The following ADNP variants were observed in gnomAD, a reference collection of about 807,000 sequenced individuals.
The protein encoded by ADNP is activity dependent neuroprotector homeobox.
A neutral mutation model predicts 84.9 loss-of-function variants in ADNP; 4 were observed. That is an observed-to-expected ratio of 0.05 (90% CI 0.02 to 0.11). The LOEUF (loss-of-function observed/expected upper bound fraction) is 0.11. ADNP is among the 10% of genes least tolerant of loss of function. The pLI, the probability that ADNP is intolerant of heterozygous loss-of-function variation, is 1.00. For missense variants in ADNP, 1,132 were observed against 1,326.0 expected, an observed-to-expected ratio of 0.85 and a Z score of 2.27; for synonymous variants, 554 against 468.1, an observed-to-expected ratio of 1.18 and a Z score of -2.37.
At chr20:50,920,954 C>G (rs1307343941) in intron 2 of ADNP, among the ~76,000 whole-genome samples, 1 of 152,174 alleles carries the variant, frequency 6.6e-6, no homozygotes, top group Non-Finnish European at 1.5e-5. Context: ...TACAGTTAGA[C>G]AGATCTGTAT....
At chr20:50,913,935 T>C (rs1013405623) in intron 2 of ADNP, 2 of 680,936 alleles carry the variant, frequency 2.9e-6, no homozygotes, top group African/African-American at 3.6e-5. Flanking sequence ...TGATAAAGAC[T>C]ATGCGAGATT....
intron 2 of ADNP, among the ~76,000 whole-genome samples, chr20:50,920,150 G>A (rs1300810992): frequency 4.0e-5 from 6 of 150,396 alleles, no homozygotes; most frequent in African/African-American, 2.5e-5. Context: ...GGTGGTGTGC[G>A]CCTGTAATCC....
rs1047863490 is a variant in ADNP, at chr20:50,894,653, G to A, written c.202-141C>T. ...CTCACGCCTGTAATCCCAGCACTTTGGGAGGCTGAGGTGGGTGGATCACCC... is the reference window on the plus strand; with the variant it reads ...CTCACGCCTGTAATCCCAGCACTTTAGGAGGCTGAGGTGGGTGGATCACCC... On this transcript the variant is annotated intron_variant, in intron 5 of 5. Coordinates refer to ENST00000621696, the MANE Select transcript of ADNP (RefSeq NM_001282531.3). 3.4e-6 allele frequency: 3 copies of A among 887,690 alleles called. No homozygotes were observed. The African/African-American group carries it at 5.1e-5, about 15-fold the overall frequency. 55.0% of individuals were successfully genotyped at this position (887,690 alleles called of 1,614,324 possible). A position where few individuals can be genotyped will look rare whatever the true frequency, so the allele number is the denominator to read the frequency against.
chr20:50,915,866 G>A (rs1027013476), intron 2 of ADNP, among the ~76,000 whole-genome samples: 3 of 152,228 alleles, frequency 2.0e-5, no homozygotes, highest in Non-Finnish European at 4.4e-5. Context: ...CGTATGTACT[G>A]AAAGCTAAAT....
intron 2 of ADNP, among the ~76,000 whole-genome samples, chr20:50,916,404 C>G (rs1983513768): frequency 6.6e-6 from 1 of 152,174 alleles, no homozygotes; most frequent in Non-Finnish European, 1.5e-5. Flanking sequence ...AGCTCTCAGG[C>G]TATAAATTCC....
rs759893667 is a variant in ADNP at position 50,893,346 on chromosome 20, A to G, written c.1368T>C (p.Phe456=). ...AGTGCACACTATAGACATTTTCAGG[A>G]AAAAGCTCATTACAGATTGTACATA... The part of the protein sequence containing the change: ...WKICTICNEL[F]PENVYSVHFE... The change falls in exon 6 of 6, where the codon TTT becomes TTC. Residue 456 remains phenylalanine, a synonymous_variant. Coordinates refer to ENST00000621696, the MANE Select transcript of ADNP (RefSeq NM_001282531.3). The surrounding 1 kb of genome is among the most constrained non-coding windows in gnomAD (Gnocchi z 4.4). 1 of 1,614,184 alleles carries G rather than the reference A, an allele frequency of 6.2e-7. No homozygotes were observed. Among genetic ancestry groups the G allele is most frequent in the East Asian group, 2.2e-5 (1 of 44,886 alleles).
chr20:50,903,176 AC>A (rs1462339037), intron 4 of ADNP, among the ~76,000 whole-genome samples: 5 of 152,194 alleles, frequency 3.3e-5, no homozygotes, highest in Non-Finnish European at 7.3e-5. Flanking sequence ...AGTGGGGGAA[AC>A]AGCTTCAAAC....
chr20:50,900,668 T>C (rs1254827044), intron 5 of ADNP, among the ~76,000 whole-genome samples: 1 of 152,172 alleles, frequency 6.6e-6, no homozygotes. Flanking sequence ...TGCGGTAAAA[T>C]TCAGGGCCCA....
At position 50,891,139 on chromosome 20, in the gene ADNP, C is replaced by A; in HGVS notation, c.*266G>T. ...ATGTTGAAAAGGCAGATAAAATAAA[C>A]CTCTGCTTTTCCTCGTGTGTATTCA... On this transcript the variant is annotated 3_prime_UTR_variant, in exon 6 of 6. Coordinates refer to ENST00000621696, the MANE Select transcript of ADNP (RefSeq NM_001282531.3). The A allele has an allele frequency of 8.0e-7, 1 of 1,243,240 alleles. No homozygotes were observed. The highest frequency in any genetic ancestry group is 1.0e-6 in the Non-Finnish European group (1 of 993,876). 77.0% of individuals were successfully genotyped at this position (1,243,240 alleles called of 1,614,324 possible). A position where few individuals can be genotyped will look rare whatever the true frequency, so the allele number is the denominator to read the frequency against.
chr20:50,923,915 A>G (rs937149732), intron 2 of ADNP, among the ~76,000 whole-genome samples: 1 of 152,246 alleles, frequency 6.6e-6, no homozygotes, highest in African/African-American at 2.4e-5. Flanking sequence ...CTTTCACAAG[A>G]GCAAGGATTC....
At chr20:50,921,152 T>C (rs1489617781) in intron 2 of ADNP, among the ~76,000 whole-genome samples, 3 of 152,206 alleles carry the variant, frequency 2.0e-5, no homozygotes, top group Non-Finnish European at 2.9e-5. Flanking sequence ...CCAGATGAGA[T>C]ACTAAAATAA....
intron 2 of ADNP, among the ~76,000 whole-genome samples, chr20:50,918,962 A>G (rs1983719793): frequency 6.6e-6 from 1 of 152,244 alleles, no homozygotes; most frequent in African/African-American, 2.4e-5. Flanking sequence ...TACAAAAATT[A>G]TAATCACACT....
chr20:50,891,545 A>T lies in ADNP; in HGVS notation c.3169T>A (p.Leu1057Ile). The T allele has an allele frequency of 6.2e-7, 1 of 1,612,114 alleles. No individual in the cohort carries two copies. The highest frequency in any genetic ancestry group is 2.2e-5 in the East Asian group (1 of 44,888). ...TGCCACTCAATCTGGGGGTTAGATA[A>T]GCGCTCATCATTCTCAGATGCATTC... ...WKNASENDER[L>I]SNPQIEWQNS... The change falls in exon 6 of 6, where the codon TTA becomes ATA. Residue 1057 changes from leucine (L) to isoleucine (I), a missense_variant. Transcript: ENST00000621696.
At chr20:50,929,937 G>C (rs1393190421) in intron 1 of ADNP, among the ~76,000 whole-genome samples, 1 of 151,546 alleles carries the variant, frequency 6.6e-6, no homozygotes, top group Non-Finnish European at 1.5e-5. Flanking sequence ...TGTGTGGGGG[G>C]TGTGTGTGTG....
rs756214939 is a variant in ADNP at position 50,893,013 on chromosome 20, A to G, written c.1701T>C (p.Thr567=). ...CTGGGGCATCCCTCAGATTGTATGT[A>G]GTTACCAGGAGATGGATGTTAGTGT... ...GSHTNIHLLV[T]TYNLRDAPAE... is the part of the protein sequence containing the mutation. The change falls in exon 6 of 6, where the codon ACT becomes ACC. Residue 567 remains threonine (T), a synonymous_variant. Transcript: ENST00000621696. The surrounding 1 kb of genome is among the most constrained non-coding windows in gnomAD (Gnocchi z 4.4). 5 of 1,614,222 alleles carry G rather than the reference A, an allele frequency of 3.1e-6. No homozygotes were observed. In the Admixed American group the frequency reaches 8.3e-5, roughly 27 times the overall value.
At chr20:50,913,216 G>A (rs967987653) in intron 2 of ADNP, among the ~76,000 whole-genome samples, 2 of 112,516 alleles carry the variant, frequency 1.8e-5, no homozygotes, top group East Asian at 5.9e-4. Context: ...TCACGCCACT[G>A]CACTCCAACC....
Position 50,912,295 on chromosome 20 carries a change from C to T in ADNP, c.-89-7446G>A, listed in dbSNP as rs1044777440. 3.3e-5 allele frequency among the ~76,000 whole-genome samples: 5 copies of T among 152,176 alleles called. No individual in the cohort carries two copies. In the East Asian group the frequency reaches 5.8e-4, roughly 18 times the overall value. On this transcript the variant is annotated intron_variant, in intron 2 of 5. Coordinates refer to ENST00000621696, the MANE Select transcript of ADNP (RefSeq NM_001282531.3). ...TCGAGTAGCTGGGATTACAGGCACG[C>T]GCCACCAGGCTGGGCTAATTTTTTT... is the stretch of plus-strand genomic sequence containing the variant.
chr20:50,925,434 A>T (rs777380056), intron 2 of ADNP, among the ~76,000 whole-genome samples: 6 of 152,202 alleles, frequency 3.9e-5, no homozygotes, highest in Non-Finnish European at 8.8e-5. Context: ...AGGTCATAAC[A>T]TAACGCAGGT....
At chr20:50,921,772 C>T (rs1600991965) in intron 2 of ADNP, among the ~76,000 whole-genome samples, 1 of 152,198 alleles carries the variant, frequency 6.6e-6, no homozygotes, top group Non-Finnish European at 1.5e-5. Flanking sequence ...CCCCCCGACC[C>T]TTCATCAATT....
Sources: allele counts gnomAD v4.1 joint callset (sites outside exome capture counted in the v4.1 genomes callset), GRCh38; gene constraint gnomAD v4.1.1; non-coding constraint Gnocchi (gnomAD v3.1); transcripts MANE v1.5; gene names NCBI Gene and HGNC (gene_info 2026-07-23, HGNC 2026-07-21).